The following CA12 variants were observed in gnomAD, a reference collection of about 807,000 sequenced individuals.
CA12 encodes carbonic anhydrase 12.
Under a neutral mutation model 46.8 loss-of-function variants are expected in CA12, and 36 were observed. The ratio of observed to expected loss-of-function variants is 0.77; its 90% CI spans 0.59 to 1.02. CA12 has a LOEUF of 1.02. CA12 is among the 50% of genes least tolerant of loss of function. The pLI is 0.00. For missense variants in CA12, 436 were observed against 451.4 expected, an observed-to-expected ratio of 0.97 and a Z score of 0.31; for synonymous variants, 202 against 187.0, an observed-to-expected ratio of 1.08 and a Z score of -0.65.
chr15:63,362,992 G>T (rs73444947), intron 2 of CA12, among the ~76,000 whole-genome samples: 4,342 of 152,142 alleles, frequency 0.029, 154 homozygotes, highest in South Asian at 0.11. Flanking sequence ...TGCTTCTCTG[G>T]GCTTCACTTA....
chr15:63,337,319 C>T (rs1227123167), intron 8 of CA12, among the ~76,000 whole-genome samples: 1 of 152,206 alleles, frequency 6.6e-6, no homozygotes, highest in Non-Finnish European at 1.5e-5. Flanking sequence ...CCTTCAAATA[C>T]AGTCTCCATA....
At chr15:63,332,993 A>C (rs951547128) in intron 8 of CA12, among the ~76,000 whole-genome samples, 3 of 152,218 alleles carry the variant, frequency 2.0e-5, no homozygotes, top group African/African-American at 7.2e-5. Context: ...TAATTACTCT[A>C]TGGTGTGTCA....
At chr15:63,358,756 A>T (rs1328780945) in intron 2 of CA12, among the ~76,000 whole-genome samples, 1 of 151,898 alleles carries the variant, frequency 6.6e-6, no homozygotes, top group Non-Finnish European at 1.5e-5. Context: ...CCCTGACCTG[A>T]TTACTCTTGT....
At chr15:63,364,332 G>GAAATAAAAAAA (rs2039408329) in intron 2 of CA12, among the ~76,000 whole-genome samples, 1 of 56,138 alleles carries the variant, frequency 1.8e-5, no homozygotes, top group Non-Finnish European at 3.0e-5. Flanking sequence ...CCCGTCACTA[G>GAAATAAAAAAA]AAAAAAAAAA....
rs905385980 is a variant in CA12, at chr15:63,345,551, G to A, written c.355C>T (p.His119Tyr). The stretch of plus-strand genomic sequence containing the variant: ...TCATTCGGGTTCCCCCAGTGCAGGT[G>A]CAGCTGCGTGGCACTGTAGCGAGAC... ...LQSRYSATQLHLHWGNPNDPH... is the reference protein window; with the variant it reads ...LQSRYSATQLYLHWGNPNDPH... Residue 119 changes from histidine to tyrosine, a missense_variant, in exon 4 of 11, where the codon CAC becomes TAC. Physicochemically the swap from His to Tyr is moderately conservative, Grantham distance 83. Coordinates refer to ENST00000178638, the MANE Select transcript of CA12 (RefSeq NM_001218.5). This position sits in a 1 kb window ranked among gnomAD's most constrained non-coding sequence, Gnocchi z 4.3. 1.9e-6 allele frequency: 3 copies of A among 1,613,192 alleles called. No individual in the cohort carries two copies. The highest frequency in any genetic ancestry group is 2.5e-6 in the Non-Finnish European group (3 of 1,180,026).
At position 63,355,632 on chromosome 15, in the gene CA12, T is replaced by C. The variant is rs900772237; in HGVS notation, c.107-8923A>G. On this transcript the variant is annotated intron_variant, in intron 2 of 10. Coordinates refer to ENST00000178638, the MANE Select transcript of CA12 (RefSeq NM_001218.5). The surrounding 1 kb of genome is among the most constrained non-coding windows in gnomAD (Gnocchi z 4.1). The stretch of plus-strand genomic sequence containing the variant: ...TGCTGCAGAGCCTGGCACACTGAAG[T>C]GTTCAACAAACAGCTCTTGAACTAA... 2.0e-5 allele frequency among the ~76,000 whole-genome samples: 3 copies of C among 152,202 alleles called. No homozygotes were observed. The highest frequency in any genetic ancestry group is 7.2e-5 in the African/African-American group (3 of 41,458).
intron 2 of CA12, among the ~76,000 whole-genome samples, chr15:63,351,809 C>T (rs147812007): frequency 7.9e-4 from 121 of 152,326 alleles, no homozygotes; most frequent in South Asian, 2.1e-3. Context: ...CCTGCCTCAC[C>T]TGTGACTGTT....
rs745366486 is a variant in CA12 at position 63,338,801 on chromosome 15, A to G, written c.874+18T>C. Reference sequence around the variant, plus strand: ...CCACACTCCCGCACCCCCTCCCCCCAGCACTGCCTCTCCTCACCTTGGGAG... The same window carrying G: ...CCACACTCCCGCACCCCCTCCCCCCGGCACTGCCTCTCCTCACCTTGGGAG... On this transcript the variant is annotated intron_variant, in intron 8 of 10. Transcript: ENST00000178638. 1 of 1,613,676 alleles carries G rather than the reference A, an allele frequency of 6.2e-7. No homozygotes were observed. The highest frequency in any genetic ancestry group is 8.5e-7 in the Non-Finnish European group (1 of 1,179,976).
rs529716525 is a variant in CA12, at chr15:63,348,542, T to C, written c.107-1833A>G. 6.6e-6 allele frequency among the ~76,000 whole-genome samples: 1 copy of C among 152,256 alleles called. No homozygotes were observed. The highest frequency in any genetic ancestry group is 1.5e-5 in the Non-Finnish European group (1 of 68,044). ...CCTAAGTGAGGCTGCCAGCCTTTTC[T>C]GTGCTCACAATACTGCCTGGGCCCA... On this transcript the variant is annotated intron_variant, in intron 2 of 10. Transcript: ENST00000178638. This position sits in a 1 kb window ranked among gnomAD's most constrained non-coding sequence, Gnocchi z 4.6.
At chr15:63,326,674 AC>A (rs543792837) in intron 10 of CA12, among the ~76,000 whole-genome samples, 6 of 150,038 alleles carry the variant, frequency 4.0e-5, no homozygotes, top group African/African-American at 9.8e-5. Context: ...TATTTTTCAT[AC>A]CCCCCCCAAA....
At chr15:63,380,033 C>T (rs2039625105) in intron 1 of CA12, among the ~76,000 whole-genome samples, 1 of 152,214 alleles carries the variant, frequency 6.6e-6, no homozygotes. Context: ...TCCTCTCCAC[C>T]TCCAACTTTG....
At chr15:63,352,801 T>C (rs2039250308) in intron 2 of CA12, among the ~76,000 whole-genome samples, 1 of 152,218 alleles carries the variant, frequency 6.6e-6, no homozygotes, top group African/African-American at 2.4e-5. Context: ...AAGTTTGTTT[T>C]GTAAGGAGGT....
rs962515557 is a variant in CA12 at position 63,367,081 on chromosome 15, T to G, written c.106+8577A>C. Among the ~76,000 whole-genome samples, 43 of 151,860 alleles carry G rather than the reference T, an allele frequency of 2.8e-4. 1 individual carries two copies. The highest frequency in any genetic ancestry group is 1.0e-3 in the African/African-American group (42 of 41,300). ...AGACTACCGCACATGCCACAATGCCTGGCTAATTTTTGTATTTTTAGTAGA... is the reference window on the plus strand; with the variant it reads ...AGACTACCGCACATGCCACAATGCCGGGCTAATTTTTGTATTTTTAGTAGA... On this transcript the variant is annotated intron_variant, in intron 2 of 10. Transcript: ENST00000178638.
chr15:63,364,334 A>AAAAAAAAAAAG lies in CA12; in HGVS notation c.106+11323_106+11324insCTTTTTTTTTT, dbSNP rs1190612616. Among the ~76,000 whole-genome samples the AAAAAAAAAAAG allele has an allele frequency of 1.1e-3, 151 of 140,842 alleles. 3 individuals are homozygous for AAAAAAAAAAAG. Among genetic ancestry groups the AAAAAAAAAAAG allele is most frequent in the African/African-American group, 3.5e-3 (136 of 38,556 alleles). The allele number at this position is 140,842 out of a possible 152,430, so 92.4% of individuals were successfully genotyped here. On this transcript the variant is annotated intron_variant, in intron 2 of 10. Coordinates refer to ENST00000178638, the MANE Select transcript of CA12 (RefSeq NM_001218.5). ...GAAACAGTGAAACCCCGTCACTAGA[A>AAAAAAAAAAAG]AAAAAAAAAAAAAAAAAAAAACAGT... is the stretch of plus-strand genomic sequence containing the variant.
At chr15:63,333,988 G>C (rs1440512577) in intron 8 of CA12, among the ~76,000 whole-genome samples, 2 of 152,136 alleles carry the variant, frequency 1.3e-5, no homozygotes. Context: ...TCATTACCCA[G>C]CATCTGGGCC....
In CA12 at chr15:63,339,377, A is replaced by G. The variant is rs2039046194; in HGVS notation, c.748-432T>C. ...TCAGAAGGAATAAAGGAGGGAGTTA[A>G]GAGTTTCACAGGCCATCTGATTGCG... On this transcript the variant is annotated intron_variant, in intron 7 of 10. Coordinates refer to ENST00000178638, the MANE Select transcript of CA12 (RefSeq NM_001218.5). This position sits in a 1 kb window ranked among gnomAD's most constrained non-coding sequence, Gnocchi z 4.3. Among the ~76,000 whole-genome samples the G allele has an allele frequency of 6.6e-6, 1 of 152,186 alleles. No homozygotes were observed. Among genetic ancestry groups the G allele is most frequent in the African/African-American group, 2.4e-5 (1 of 41,454 alleles).
rs2038933403 is a variant in CA12 at position 63,331,181 on chromosome 15, A to G, written c.875-3051T>C. 6.6e-6 allele frequency among the ~76,000 whole-genome samples: 1 copy of G among 152,166 alleles called. No individual in the cohort carries two copies. The highest frequency in any genetic ancestry group is 2.4e-5 in the African/African-American group (1 of 41,434). On this transcript the variant is annotated intron_variant, in intron 8 of 10. Transcript: ENST00000178638. The surrounding 1 kb of genome is among the most constrained non-coding windows in gnomAD (Gnocchi z 5.3). ...AGTCCCATTGGAGGCAGATGCCAAA[A>G]CATCTGTTATCTGATGGGAGAGAGA...
chr15:63,342,030 C>G lies in CA12; in HGVS notation c.497G>C (p.Gly166Ala). The G allele has an allele frequency of 6.2e-7, 1 of 1,613,950 alleles. No homozygotes were observed. The highest frequency in any genetic ancestry group is 8.5e-7 in the Non-Finnish European group (1 of 1,179,806). Residue 166 changes from glycine (G) to alanine (A), a missense_variant, in exon 5 of 11, where the codon GGC becomes GCC. Gly to Ala is a moderately conservative substitution (Grantham distance 60, BLOSUM62 0). Coordinates refer to ENST00000178638, the MANE Select transcript of CA12 (RefSeq NM_001218.5). Reference protein sequence around the residue: ...DASTASNKSEGLAVLAVLIEM... With the variant: ...DASTASNKSEALAVLAVLIEM... ...AATGAGAACAGCCAGGACAGCGAGG[C>G]CTTCTGACTTGTTGCTGGCAGTGCT... is the stretch of plus-strand genomic sequence containing the variant.
intron 8 of CA12, among the ~76,000 whole-genome samples, chr15:63,334,288 C>T (rs1286487358): frequency 3.2e-5 from 4 of 124,330 alleles, no homozygotes; most frequent in African/African-American, 1.3e-4. Context: ...TGGAGTATCA[C>T]TCTGTCGCCC....
Sources: allele counts gnomAD v4.1 joint callset (sites outside exome capture counted in the v4.1 genomes callset), GRCh38; gene constraint gnomAD v4.1.1; non-coding constraint Gnocchi (gnomAD v3.1); transcripts MANE v1.5; gene names NCBI Gene and HGNC (gene_info 2026-07-23, HGNC 2026-07-21).